ROBO1: variants seen among roughly 807,000 people sequenced by gnomAD.
The protein encoded by ROBO1 is roundabout guidance receptor 1, also known as roundabout homolog 1.
ROBO1 carries 149 observed loss-of-function variants against 195.9 expected under a neutral mutation model. The observed-to-expected ratio is 0.76, with a 90% CI of 0.67 to 0.87. The LOEUF (loss-of-function observed/expected upper bound fraction) is 0.87, where lower values mean the gene tolerates loss of function less well. Among genes scored for constraint, ROBO1 ranks in the 40% least tolerant of loss-of-function variants. ROBO1 has a pLI of 0.00. For synonymous variants in ROBO1, 816 were observed against 733.2 expected, an observed-to-expected ratio of 1.11 and a Z score of -1.82; for missense variants, 1,933 against 2,068.3, an observed-to-expected ratio of 0.93 and a Z score of 1.27.
intron 22 of ROBO1, among the ~76,000 whole-genome samples, chr3:78,637,701 G>A (rs1333795697): frequency 2.0e-5 from 3 of 152,036 alleles, no homozygotes; most frequent in Non-Finnish European, 4.4e-5. Flanking sequence ...ATGATTACAT[G>A]AGTATCTATC....
rs777025714 is a variant in ROBO1 at position 78,938,754 on chromosome 3, G to A, written c.346C>T (p.Arg116Cys). The A allele has an allele frequency of 3.4e-5, 55 of 1,613,802 alleles. No individual in the cohort carries two copies. Among genetic ancestry groups the A allele is most frequent in the African/African-American group, 1.3e-5 (1 of 74,872 alleles). ...CTCGGCAGCAACATTCGGTGTGAGC[G>A]AGGGTCATCTTTGTCTGTCTCCACT... is the stretch of plus-strand genomic sequence containing the variant. The part of the protein sequence containing the change: ...ERVETDKDDP[R>C]SHRMLLPSGS... The change falls in exon 4 of 31, where the codon CGC becomes TGC. Residue 116 changes from arginine (R) to cysteine (C), a missense_variant. This residue lies in a region of ROBO1 where 185 missense variants were observed against 159.5 expected (regional missense o/e 1.16). Coordinates refer to ENST00000464233, the MANE Select transcript of ROBO1 (RefSeq NM_002941.4).
At chr3:78,779,679 C>G (rs4443126) in intron 4 of ROBO1, among the ~76,000 whole-genome samples, 7,143 of 152,182 alleles carry the variant, frequency 0.047, 557 homozygotes, top group African/African-American at 0.16. Context: ...TTAGTTCAAC[C>G]ATTGTGGAAG....
At chr3:79,560,946 T>C (rs1942895252) in intron 2 of ROBO1, among the ~76,000 whole-genome samples, 1 of 152,316 alleles carries the variant, frequency 6.6e-6, no homozygotes, top group African/African-American at 2.4e-5. Flanking sequence ...TTTATCATTG[T>C]TCACAAATGA....
intron 4 of ROBO1, among the ~76,000 whole-genome samples, chr3:78,774,386 C>T (rs2083453045): frequency 6.6e-6 from 1 of 151,992 alleles, no homozygotes; most frequent in Non-Finnish European, 1.5e-5. Context: ...TCTCGGCTCA[C>T]CGCAAGCTAC....
intron 1 of ROBO1, among the ~76,000 whole-genome samples, chr3:79,592,612 C>T (rs1054454097): frequency 8.6e-5 from 13 of 151,924 alleles, no homozygotes; most frequent in Non-Finnish European, 1.5e-4. Context: ...ATTTCTCATT[C>T]ACTTCCTTCC....
intron 4 of ROBO1, among the ~76,000 whole-genome samples, chr3:78,815,523 A>G (rs1472293882): frequency 2.6e-5 from 4 of 152,110 alleles, no homozygotes; most frequent in Non-Finnish European, 5.9e-5. Flanking sequence ...CTCCCATTCT[A>G]TGAAGGTTGA....
intron 17 of ROBO1, 113 bp downstream of exon 17, chr3:78,659,573 T>C: frequency 1.4e-6 from 1 of 735,132 alleles, no homozygotes; most frequent in East Asian, 3.3e-5. Flanking sequence ...TGTTGCTATT[T>C]GGACCAGCAG....
At chr3:78,793,142 A>G (rs2084076011) in intron 4 of ROBO1, among the ~76,000 whole-genome samples, 3 of 152,006 alleles carry the variant, frequency 2.0e-5, no homozygotes. Flanking sequence ...AACCAAAAAA[A>G]AAAAAAGAAA....
chr3:79,563,667 A>G (rs367550264), intron 2 of ROBO1, among the ~76,000 whole-genome samples: 12 of 152,088 alleles, frequency 7.9e-5, no homozygotes, highest in African/African-American at 2.9e-4. Flanking sequence ...AGAAAATGTA[A>G]TATTTTTGTG....
intron 2 of ROBO1, among the ~76,000 whole-genome samples, chr3:79,201,956 A>T (rs1279313458): frequency 1.3e-5 from 2 of 150,998 alleles, no homozygotes; most frequent in Non-Finnish European, 3.0e-5. Flanking sequence ...AAACTTTACA[A>T]ATGTTCTCCT....
chr3:78,687,589 T>C (rs775406029), intron 9 of ROBO1, among the ~76,000 whole-genome samples: 9 of 152,162 alleles, frequency 5.9e-5, no homozygotes, highest in Non-Finnish European at 1.2e-4. Context: ...ATGAGAATTG[T>C]TTATTTACAC....
At chr3:79,382,748 T>C (rs1312439851) in intron 2 of ROBO1, among the ~76,000 whole-genome samples, 3 of 152,200 alleles carry the variant, frequency 2.0e-5, no homozygotes, top group Admixed American at 6.5e-5. Context: ...TGTTTTTTGA[T>C]ACACGATATC....
chr3:79,680,270 G>A (rs184119860), intron 1 of ROBO1, among the ~76,000 whole-genome samples: 16 of 152,024 alleles, frequency 1.1e-4, no homozygotes, highest in Admixed American at 3.9e-4. Flanking sequence ...AATGGAGCAC[G>A]CAATGCTACC....
chr3:79,424,341 G>A (rs2038352557), intron 2 of ROBO1, among the ~76,000 whole-genome samples: 1 of 151,994 alleles, frequency 6.6e-6, no homozygotes, highest in Non-Finnish European at 1.5e-5. Context: ...GTTTCACACT[G>A]AATATGACCT....
At chr3:79,704,573 ATCCTT>A (rs1396847661) in intron 1 of ROBO1, among the ~76,000 whole-genome samples, 2 of 152,046 alleles carry the variant, frequency 1.3e-5, no homozygotes, top group Non-Finnish European at 2.9e-5. Flanking sequence ...ACTTTTATGT[ATCCTT>A]TCATTTGCTG....
intron 2 of ROBO1, among the ~76,000 whole-genome samples, chr3:79,256,526 A>G (rs903655043): frequency 2.6e-5 from 4 of 152,322 alleles, no homozygotes; most frequent in Middle Eastern, 3.4e-3. Flanking sequence ...CATTTTGTCA[A>G]TACTTAGGAT....
intron 2 of ROBO1, among the ~76,000 whole-genome samples, chr3:79,480,334 T>C (rs1190340504): frequency 6.6e-6 from 1 of 152,192 alleles, no homozygotes; most frequent in Non-Finnish European, 1.5e-5. Context: ...ATTATTCAAA[T>C]GAATTTAGTC....
intron 3 of ROBO1, among the ~76,000 whole-genome samples, chr3:79,068,274 C>T (rs2079034410): frequency 6.6e-6 from 1 of 151,834 alleles, no homozygotes; most frequent in Non-Finnish European, 1.5e-5. Context: ...TCCATCTACC[C>T]AGTTCAATAA....
chr3:79,001,604 T>A (rs2077506764), intron 3 of ROBO1, among the ~76,000 whole-genome samples: 2 of 152,144 alleles, frequency 1.3e-5, no homozygotes, highest in African/African-American at 2.4e-5. Context: ...TCACTGTACT[T>A]TTTCTGCCCA....
Sources: allele counts gnomAD v4.1 joint callset (sites outside exome capture counted in the v4.1 genomes callset), GRCh38; gene constraint gnomAD v4.1.1; regional missense constraint gnomAD v4.1.1; transcripts MANE v1.5; gene names NCBI Gene and HGNC (gene_info 2026-07-23, HGNC 2026-07-21).